The following RIT2 variants were observed in gnomAD, a reference collection of about 807,000 sequenced individuals.
RIT2 encodes GTP-binding protein Rit2.
In RIT2, 24 loss-of-function variants were observed where a neutral mutation model predicts 23.7. That is an observed-to-expected ratio of 1.01 (90% confidence interval 0.73 to 1.43). The LOEUF (loss-of-function observed/expected upper bound fraction) is 1.43, where lower values mean the gene tolerates loss of function less well. Among genes scored for constraint, RIT2 ranks in the 40% most tolerant of loss-of-function variants. The pLI, the probability that RIT2 is intolerant of heterozygous loss-of-function variation, is 0.00. For synonymous variants in RIT2, 107 were observed against 91.1 expected (o/e 1.17, Z -0.99); for missense variants, 236 against 266.9 (o/e 0.88, Z 0.81).
At chr18:42,981,850 C>T (rs777655462) in intron 2 of RIT2, among the ~76,000 whole-genome samples, 5 of 152,062 alleles carry the variant, frequency 3.3e-5, no homozygotes, top group Admixed American at 6.5e-5. Context: ...AATATAACAG[C>T]TATGAGAAGA....
chr18:42,948,132 T>A (rs1042719808), intron 3 of RIT2, among the ~76,000 whole-genome samples: 1 of 152,106 alleles, frequency 6.6e-6, no homozygotes, highest in Middle Eastern at 3.2e-3. Context: ...ATGCTTTTAA[T>A]TGGAATGAAT....
At chr18:42,964,178 G>A (rs1436772681) in intron 3 of RIT2, among the ~76,000 whole-genome samples, 5 of 151,880 alleles carry the variant, frequency 3.3e-5, no homozygotes, top group Admixed American at 6.6e-5. Flanking sequence ...GCGAAAGGCC[G>A]AGACTCCATC....
chr18:42,794,645 A>C (rs1352620626), intron 4 of RIT2, among the ~76,000 whole-genome samples: 2 of 152,224 alleles, frequency 1.3e-5, no homozygotes, highest in African/African-American at 4.8e-5. Context: ...AATATTTCAC[A>C]TGGATGTCTG....
chr18:42,891,375 A>G (rs1240266750), intron 4 of RIT2, among the ~76,000 whole-genome samples: 2 of 152,196 alleles, frequency 1.3e-5, no homozygotes, highest in Non-Finnish European at 1.5e-5. Flanking sequence ...TACACAAGTT[A>G]CTGAAGTTAT....
intron 4 of RIT2, among the ~76,000 whole-genome samples, chr18:42,892,770 T>C (rs2144096098): frequency 6.6e-6 from 1 of 152,282 alleles, no homozygotes; most frequent in Middle Eastern, 3.4e-3. Context: ...TCCTGGTGTC[T>C]TATAGAAAGA....
intron 4 of RIT2, among the ~76,000 whole-genome samples, chr18:42,776,753 T>A (rs1913681405): frequency 6.6e-6 from 1 of 152,108 alleles, no homozygotes; most frequent in Non-Finnish European, 1.5e-5. Flanking sequence ...TTTCTCACAC[T>A]CTCAATTATT....
chr18:43,056,763 T>G (rs191541760), intron 1 of RIT2, among the ~76,000 whole-genome samples: 1 of 152,194 alleles, frequency 6.6e-6, no homozygotes, highest in Admixed American at 6.5e-5. Context: ...CAGGCATTAG[T>G]AAGGTCCTGA....
rs72910632 is a variant in RIT2 at position 43,048,708 on chromosome 18, T to A, written c.104-14841A>T. 4.8e-3 allele frequency among the ~76,000 whole-genome samples: 735 copies of A among 152,302 alleles called. 3 individuals are homozygous for A. The highest frequency in any genetic ancestry group is 5.6e-3 in the Non-Finnish European group (382 of 68,020). On this transcript the variant is annotated intron_variant, in intron 1 of 4. Coordinates refer to ENST00000326695, the MANE Select transcript of RIT2 (RefSeq NM_002930.4). ...ATGATTTGTCTTTTTCAATGTTTCA[T>A]CATGGTCTCAGGGTCTATCTAGCTA...
intron 4 of RIT2, among the ~76,000 whole-genome samples, chr18:42,859,232 G>A (rs1000836193): frequency 7.2e-5 from 11 of 152,056 alleles, no homozygotes; most frequent in African/African-American, 2.7e-4. Context: ...GCTATGCCTT[G>A]TTTATTTTTG....
intron 2 of RIT2, among the ~76,000 whole-genome samples, chr18:43,010,722 A>G (rs1389115337): frequency 6.6e-6 from 1 of 151,798 alleles, no homozygotes; most frequent in Non-Finnish European, 1.5e-5. Flanking sequence ...TTATTTGAAA[A>G]TGCACCCACA....
intron 1 of RIT2, among the ~76,000 whole-genome samples, chr18:43,078,404 A>G (rs1224319358): frequency 2.6e-5 from 4 of 152,190 alleles, no homozygotes; most frequent in African/African-American, 4.8e-5. Context: ...TTCCAGGTAC[A>G]GCTAAATTCC....
At chr18:42,964,450 T>C (rs1910165328) in intron 3 of RIT2, among the ~76,000 whole-genome samples, 1 of 152,232 alleles carries the variant, frequency 6.6e-6, no homozygotes, top group South Asian at 2.1e-4. Flanking sequence ...AATTACACCA[T>C]GGCAATGTAA....
intron 1 of RIT2, among the ~76,000 whole-genome samples, chr18:43,102,413 T>C (rs573860644): frequency 1.3e-3 from 203 of 151,742 alleles, no homozygotes; most frequent in African/African-American, 4.7e-3. Context: ...AATACTTTCT[T>C]TTCTCCTCCT....
Position 42,905,855 on chromosome 18 carries a change from C to T in RIT2, c.426+17717G>A, listed in dbSNP as rs1908599817. Among the ~76,000 whole-genome samples the T allele has an allele frequency of 1.3e-5, 2 of 150,376 alleles. 1 individual carries two copies. Among genetic ancestry groups the T allele is most frequent in the South Asian group, 4.2e-4 (2 of 4,758 alleles). On this transcript the variant is annotated intron_variant, in intron 4 of 4. Coordinates refer to ENST00000326695, the MANE Select transcript of RIT2 (RefSeq NM_002930.4). ...TGTCGATAAAACTGATGAGATAAAA[C>T]AGAGTCCAGGTAGGTGGCTGGCTTT...
At chr18:43,009,171 G>A (rs1021405930) in intron 2 of RIT2, among the ~76,000 whole-genome samples, 5 of 151,468 alleles carry the variant, frequency 3.3e-5, no homozygotes, top group African/African-American at 4.8e-5. Flanking sequence ...TAAAAAAACC[G>A]AAGACATCCT....
chr18:42,750,996 C>T (rs996279966), intron 4 of RIT2, among the ~76,000 whole-genome samples: 2 of 151,684 alleles, frequency 1.3e-5, no homozygotes, highest in Admixed American at 6.6e-5. Flanking sequence ...CATCTGTAAA[C>T]CTATAATTGT....
chr18:42,971,031 C>T (rs1332089172), intron 3 of RIT2, among the ~76,000 whole-genome samples: 2 of 151,896 alleles, frequency 1.3e-5, no homozygotes, highest in African/African-American at 2.4e-5. Flanking sequence ...CAAGAAAACA[C>T]CCACTTTACT....
intron 4 of RIT2, among the ~76,000 whole-genome samples, chr18:42,766,014 T>C (rs1196370185): frequency 6.6e-6 from 1 of 152,170 alleles, no homozygotes; most frequent in Admixed American, 6.5e-5. Flanking sequence ...TCCCCAGCCA[T>C]GTGGAACTGT....
At chr18:42,895,969 C>T (rs1003056750) in intron 4 of RIT2, among the ~76,000 whole-genome samples, 1 of 152,170 alleles carries the variant, frequency 6.6e-6, no homozygotes, top group African/African-American at 2.4e-5. Flanking sequence ...CAAAGGCAGA[C>T]TTTAGATTTG....
Sources: allele counts gnomAD v4.1 joint callset (sites outside exome capture counted in the v4.1 genomes callset), GRCh38; gene constraint gnomAD v4.1.1; transcripts MANE v1.5; gene names NCBI Gene and HGNC (gene_info 2026-07-23, HGNC 2026-07-21).